Variants in CADM1 observed in about 807,000 individuals in gnomAD.
CADM1 encodes cell adhesion molecule 1, also known as TSLC-1.
In CADM1, 15 loss-of-function variants were observed where a neutral mutation model predicts 53.1. The ratio of observed to expected loss-of-function variants is 0.28; its 90% CI spans 0.19 to 0.44. The LOEUF (loss-of-function observed/expected upper bound fraction) is 0.44, where lower values mean the gene tolerates loss of function less well. Ranked by LOEUF, CADM1 falls within the 20% of genes least tolerant of loss-of-function variation. The probability of loss-of-function intolerance (pLI) is 1.00; values close to 1 mark genes in which losing one functional copy is unlikely to be tolerated. For synonymous variants in CADM1, 281 were observed against 243.0 expected (o/e 1.16, Z -1.45); for missense variants, 434 against 611.3 (o/e 0.71, Z 3.06).
chr11:115,393,649 T>C (rs1164987766), intron 1 of CADM1, among the ~76,000 whole-genome samples: 3 of 151,830 alleles, frequency 2.0e-5, no homozygotes, highest in Non-Finnish European at 4.4e-5. Context: ...TGAATAACCT[T>C]ATAGGGTCCA....
At chr11:115,458,418 G>A (rs1007920383) in intron 1 of CADM1, among the ~76,000 whole-genome samples, 1 of 151,872 alleles carries the variant, frequency 6.6e-6, no homozygotes. Flanking sequence ...GTGAGAATTA[G>A]ATAAGACAAT....
chr11:115,465,933 T>C (rs1948891095), intron 1 of CADM1, among the ~76,000 whole-genome samples: 1 of 152,196 alleles, frequency 6.6e-6, no homozygotes, highest in African/African-American at 2.4e-5. Context: ...ACAAGTAATT[T>C]ACAGACTTCT....
At chr11:115,226,520 C>T (rs1941614219) in intron 5 of CADM1, among the ~76,000 whole-genome samples, 1 of 152,176 alleles carries the variant, frequency 6.6e-6, no homozygotes, top group Non-Finnish European at 1.5e-5. Context: ...AATACAGGTG[C>T]AATGTTACTC....
intron 10 of CADM1, 93 bp from the exon 11 acceptor site, chr11:115,178,868 T>C (rs1309784309): frequency 1.5e-6 from 2 of 1,351,860 alleles, no homozygotes; most frequent in Non-Finnish European, 2.1e-6. Flanking sequence ...AGGGTCACCT[T>C]CTTTTTTAAT....
chr11:115,231,479 T>C lies in CADM1; in HGVS notation c.436A>G (p.Asn146Asp). Residue 146 changes from asparagine to aspartate, a missense_variant, in exon 4 of 12, where the codon AAT becomes GAT. Physicochemically the swap from Asn to Asp is conservative, Grantham distance 23. Around this residue, in one of 4 missense-constraint regions of CADM1, gnomAD observed 311 missense variants for 435.1 expected, o/e 0.71. Transcript: ENST00000331581. ...TCTTTCTGGATATCGATCATCAGATTACGTGGTGGGACTACAAATTAAACA... is the reference window on the plus strand; with the variant it reads ...TCTTTCTGGATATCGATCATCAGATCACGTGGTGGGACTACAAATTAAACA... ...TTITVLVPPR[N>D]LMIDIQKDTA... 1 of 1,614,084 alleles carries C rather than the reference T, an allele frequency of 6.2e-7. No homozygotes were observed. Among genetic ancestry groups the C allele is most frequent in the Non-Finnish European group, 8.5e-7 (1 of 1,179,914 alleles).
chr11:115,318,977 C>T (rs1031807920), intron 1 of CADM1, among the ~76,000 whole-genome samples: 5 of 152,152 alleles, frequency 3.3e-5, no homozygotes, highest in Non-Finnish European at 7.4e-5. Flanking sequence ...GCATTATATG[C>T]ATTAACTCAC....
intron 1 of CADM1, among the ~76,000 whole-genome samples, chr11:115,280,896 T>A (rs1337952910): frequency 6.6e-6 from 1 of 152,210 alleles, no homozygotes; most frequent in African/African-American, 2.4e-5. Context: ...AAGTGACCTA[T>A]CCTTAATGCG....
At chr11:115,222,287 A>T (rs1323928030) in intron 5 of CADM1, among the ~76,000 whole-genome samples, 3 of 152,106 alleles carry the variant, frequency 2.0e-5, no homozygotes, top group Non-Finnish European at 4.4e-5. Context: ...GACAATGCAA[A>T]GATTAACCTG....
intron 9 of CADM1, among the ~76,000 whole-genome samples, chr11:115,197,380 C>T (rs187167129): frequency 1.6e-4 from 25 of 152,272 alleles, no homozygotes; most frequent in Admixed American, 8.5e-4. Flanking sequence ...ACAGGCAAAG[C>T]GATTAAAGTA....
At chr11:115,301,860 GATC>G (rs1172902198) in intron 1 of CADM1, among the ~76,000 whole-genome samples, 2 of 152,076 alleles carry the variant, frequency 1.3e-5, no homozygotes, top group Non-Finnish European at 2.9e-5. Context: ...GCTTATCACA[GATC>G]ATGAGGAAGT....
intron 9 of CADM1, among the ~76,000 whole-genome samples, chr11:115,194,765 A>G (rs1174265836): frequency 1.3e-5 from 2 of 152,102 alleles, no homozygotes; most frequent in East Asian, 3.9e-4. Flanking sequence ...ACTATTCCAG[A>G]CCATGGGCAT....
At chr11:115,310,589 C>T (rs146725218) in intron 1 of CADM1, among the ~76,000 whole-genome samples, 299 of 152,116 alleles carry the variant, frequency 2.0e-3, no homozygotes, top group Middle Eastern at 6.8e-3. Flanking sequence ...TCGGTGAAAC[C>T]CCGGGGCTTT....
At chr11:115,355,520 G>T (rs1330149727) in intron 1 of CADM1, among the ~76,000 whole-genome samples, 2 of 152,038 alleles carry the variant, frequency 1.3e-5, no homozygotes, top group Non-Finnish European at 1.5e-5. Flanking sequence ...TGGGTACGAG[G>T]CTTAGTACCT....
chr11:115,431,875 T>C (rs1233615729), intron 1 of CADM1, among the ~76,000 whole-genome samples: 1 of 151,848 alleles, frequency 6.6e-6, no homozygotes, highest in African/African-American at 2.4e-5. Context: ...TCATTTACAA[T>C]TGTATATTTG....
intron 1 of CADM1, among the ~76,000 whole-genome samples, chr11:115,297,145 T>C (rs1322003540): frequency 2.0e-5 from 3 of 152,196 alleles, no homozygotes; most frequent in Admixed American, 1.3e-4. Context: ...GGATATGCAA[T>C]AGAAAATTAG....
At chr11:115,384,124 C>T (rs1234178786) in intron 1 of CADM1, among the ~76,000 whole-genome samples, 3 of 152,066 alleles carry the variant, frequency 2.0e-5, no homozygotes, top group Admixed American at 6.5e-5. Flanking sequence ...AAGCAGTCTC[C>T]GAGGTACTGC....
intron 1 of CADM1, among the ~76,000 whole-genome samples, chr11:115,367,601 G>C (rs1450271433): frequency 6.6e-6 from 1 of 151,960 alleles, no homozygotes; most frequent in Non-Finnish European, 1.5e-5. Flanking sequence ...GCATTTTGTT[G>C]CATTTCTTCC....
chr11:115,425,095 G>A (rs1160163033), intron 1 of CADM1, among the ~76,000 whole-genome samples: 1 of 152,120 alleles, frequency 6.6e-6, no homozygotes, highest in Non-Finnish European at 1.5e-5. Context: ...AAGAAACAGG[G>A]CCGTACTAAG....
intron 1 of CADM1, among the ~76,000 whole-genome samples, chr11:115,433,659 C>T (rs1343251505): frequency 2.0e-5 from 3 of 152,138 alleles, no homozygotes; most frequent in Non-Finnish European, 4.4e-5. Flanking sequence ...GTTCCCAGGA[C>T]CTATATAAGG....
Sources: allele counts gnomAD v4.1 joint callset (sites outside exome capture counted in the v4.1 genomes callset), GRCh38; gene constraint gnomAD v4.1.1; regional missense constraint gnomAD v4.1.1; transcripts MANE v1.5; gene names NCBI Gene and HGNC (gene_info 2026-07-23, HGNC 2026-07-21).